UNC80: variants seen among roughly 807,000 people sequenced by gnomAD.
UNC80 encodes unc-80 subunit of NALCN channel complex, also known as protein unc-80 homolog.
Under a neutral mutation model 384.6 loss-of-function variants are expected in UNC80, and 164 were observed. The ratio of observed to expected loss-of-function variants is 0.43; its 90% CI spans 0.38 to 0.49. UNC80 has a LOEUF of 0.49. UNC80 is among the 20% of genes least tolerant of loss of function. The probability of loss-of-function intolerance (pLI) is 0.00; values close to 1 mark genes in which losing one functional copy is unlikely to be tolerated. For synonymous variants in UNC80, 1,486 were observed against 1,527.8 expected (o/e 0.97, Z 0.64); for missense variants, 3,330 against 4,143.0 (o/e 0.80, Z 5.39).
At chr2:209,932,475 A>C (rs182336240) in intron 38 of UNC80, among the ~76,000 whole-genome samples, 11 of 152,218 alleles carry the variant, frequency 7.2e-5, no homozygotes, top group Admixed American at 2.0e-4. Flanking sequence ...TGGAGATGAG[A>C]GCGCCTTCAG....
At chr2:209,871,628 A>C (rs1289488706) in intron 22 of UNC80, among the ~76,000 whole-genome samples, 1 of 152,134 alleles carries the variant, frequency 6.6e-6, no homozygotes, top group African/African-American at 2.4e-5. Context: ...TTTTTAAAAA[A>C]CTGACACAAG....
intron 44 of UNC80, among the ~76,000 whole-genome samples, chr2:209,942,066 G>A (rs973481311): frequency 2.6e-5 from 4 of 152,110 alleles, no homozygotes; most frequent in Non-Finnish European, 4.4e-5. Flanking sequence ...CTCTACCTCC[G>A]GGCCAGGGAC....
chr2:209,944,942 A>G, intron 45 of UNC80, 109 bp from the exon 46 acceptor site: 1 of 1,222,786 alleles, frequency 8.2e-7, no homozygotes, highest in South Asian at 1.6e-5. Flanking sequence ...AATTCCAGGT[A>G]GATGTTGTAC....
At chr2:209,885,565 AT>A (rs965433078) in intron 25 of UNC80, among the ~76,000 whole-genome samples, 20 of 151,368 alleles carry the variant, frequency 1.3e-4, no homozygotes, top group East Asian at 5.8e-4. Context: ...AGATTAGGTT[AT>A]TTTTTTTTCT....
At chr2:209,888,286 T>C (rs1171453391) in intron 26 of UNC80, 26 bp downstream of exon 26, 11 of 1,549,620 alleles carry the variant, frequency 7.1e-6, no homozygotes, top group African/African-American at 1.4e-5. Context: ...GGTTCCTTCA[T>C]GTTTCAGGGT....
rs973820728 is a variant in UNC80, at chr2:209,976,756, C to A, written c.8773-157C>A. Among the ~76,000 whole-genome samples, 2 of 152,154 alleles carry A rather than the reference C, an allele frequency of 1.3e-5. No homozygotes were observed. Among genetic ancestry groups the A allele is most frequent in the Non-Finnish European group, 2.9e-5 (2 of 68,042 alleles). On this transcript the variant is annotated intron_variant, in intron 57 of 64. Coordinates refer to ENST00000673920, the MANE Select transcript of UNC80 (RefSeq NM_001371986.1). This position sits in a 1 kb window ranked among gnomAD's most constrained non-coding sequence, Gnocchi z 4.3. ...AGTTTCTTAGGGCAGTGATTTAAAA[C>A]GATGTAATTATTAAGCACTTCCTGT...
chr2:209,814,894 T>C (rs1241934754), intron 8 of UNC80, among the ~76,000 whole-genome samples: 1 of 152,168 alleles, frequency 6.6e-6, no homozygotes, highest in East Asian at 1.9e-4. Flanking sequence ...TAATCTGTTT[T>C]AGTAGTAGAT....
chr2:209,941,640 A>T (rs1278797618), intron 44 of UNC80, among the ~76,000 whole-genome samples, 151 bp downstream of exon 44: 2 of 152,100 alleles, frequency 1.3e-5, no homozygotes, highest in African/African-American at 4.8e-5. Context: ...CCCCCCATAA[A>T]TTTGCAAGAG....
intron 47 of UNC80, 24 bp from the exon 48 acceptor site, chr2:209,954,076 C>T (rs571047778): frequency 1.4e-5 from 22 of 1,537,062 alleles, no homozygotes; most frequent in Admixed American, 6.2e-5. Flanking sequence ...AAAGGTGACT[C>T]GGTTTTCTTT....
Position 209,995,523 on chromosome 2 carries a change from A to T in UNC80, c.9903A>T (p.Leu3301=). 1 of 1,551,938 alleles carries T rather than the reference A, an allele frequency of 6.4e-7. No homozygotes were observed. Among genetic ancestry groups the T allele is most frequent in the Non-Finnish European group, 8.7e-7 (1 of 1,147,046 alleles). The change falls in exon 65 of 65, where the codon CTA becomes CTT. Residue 3301 remains leucine (L), a synonymous_variant. Transcript: ENST00000673920. ...SEENGMENPL[L]SSQFTFTPTE... ...AAAATGGCATGGAGAACCCGCTACT[A>T]TCTAGTCAGTTCACCTTTACTCCCA...
At chr2:209,850,160 C>T (rs537602860) in intron 22 of UNC80, among the ~76,000 whole-genome samples, 1 of 151,990 alleles carries the variant, frequency 6.6e-6, no homozygotes, top group African/African-American at 2.4e-5. Flanking sequence ...ACACTTTGAA[C>T]ATTGTGTGCT....
At chr2:209,914,034 C>A in intron 31 of UNC80, 94 bp downstream of exon 31, 1 of 1,417,394 alleles carries the variant, frequency 7.1e-7, no homozygotes, top group South Asian at 1.5e-5. Context: ...TCTATTTTTG[C>A]TCCTAGGTCA....
chr2:209,932,078 CT>C (rs1386009423), intron 38 of UNC80, among the ~76,000 whole-genome samples: 1 of 152,128 alleles, frequency 6.6e-6, no homozygotes. Context: ...TGGCTGGTTG[CT>C]GGATATCTGG....
At chr2:209,956,316 C>CCACATTCCTAGTTTCTTTATCTTATG (rs1559392194) in intron 48 of UNC80, among the ~76,000 whole-genome samples, 3 of 42 alleles carry the variant, frequency 0.071, no homozygotes, top group Non-Finnish European at 0.14. Context: ...ATTCTCTGCT[C>CCACATTCCTAGTTTCTTTATCTTATG]AGGGTTTCTC....
rs1447989064 is a variant in UNC80 at position 209,938,708 on chromosome 2, CTCTGTG to C, written c.6466-762_6466-757del. The stretch of plus-strand genomic sequence containing the variant: ...TCTCTCTCTCTCTCTCTCTCTCTCT[CTCTGTG>C]TGTGTGTGTGTGTGTGTGTGTGTCT... On this transcript the variant is annotated intron_variant, in intron 42 of 64. Transcript: ENST00000673920. 4.1e-4 allele frequency among the ~76,000 whole-genome samples: 57 copies of C among 138,316 alleles called. 1 individual carries two copies. The highest frequency in any genetic ancestry group is 3.6e-3 in the Middle Eastern group (1 of 276). 90.7% of individuals were successfully genotyped at this position (138,316 alleles called of 152,430 possible). A position where few individuals can be genotyped will look rare whatever the true frequency, so the allele number is the denominator to read the frequency against.
rs1478279561 is a variant in UNC80, at chr2:209,817,679, C to CT, written c.1553-126dup. The CT allele has an allele frequency of 9.6e-6, 11 of 1,143,376 alleles. No individual in the cohort carries two copies. In the Admixed American group the frequency reaches 1.9e-4, roughly 19 times the overall value. 70.8% of individuals were successfully genotyped at this position (1,143,376 alleles called of 1,614,324 possible). A position where few individuals can be genotyped will look rare whatever the true frequency, so the allele number is the denominator to read the frequency against. ...ATCCCCATGGCAAGTTCAGTTCTTG[C>CT]TTTTTTTGTCTGTGTTTCACACTTT... is the stretch of plus-strand genomic sequence containing the variant. On this transcript the variant is annotated intron_variant, in intron 10 of 64. Coordinates refer to ENST00000673920, the MANE Select transcript of UNC80 (RefSeq NM_001371986.1).
In UNC80 at chr2:209,829,399, A is replaced by C; in HGVS notation, c.2626+20A>C. On this transcript the variant is annotated intron_variant, in intron 15 of 64. Transcript: ENST00000673920. ...CTGACAGTAAGTAAAGCTGCACCCA[A>C]GTTCTAGGAGAAGTCGTTGTGAGGT... The C allele has an allele frequency of 1.9e-6, 3 of 1,550,630 alleles. No individual in the cohort carries two copies. The highest frequency in any genetic ancestry group is 2.6e-6 in the Non-Finnish European group (3 of 1,146,310).
At position 209,982,337 on chromosome 2, in the gene UNC80, C is replaced by G; in HGVS notation, c.9257+20C>G. ...CCAGAGGTAAACAGCTATGGTTATACTGTACTCTGCATTTGGGGGCAAAGT... is the reference window on the plus strand; with the variant it reads ...CCAGAGGTAAACAGCTATGGTTATAGTGTACTCTGCATTTGGGGGCAAAGT... On this transcript the variant is annotated intron_variant, in intron 60 of 64. Transcript: ENST00000673920. 1 of 1,523,358 alleles carries G rather than the reference C, an allele frequency of 6.6e-7. No homozygotes were observed. Among genetic ancestry groups the G allele is most frequent in the Non-Finnish European group, 8.8e-7 (1 of 1,132,232 alleles). The allele number at this position is 1,523,358 out of a possible 1,614,324, so 94.4% of individuals were successfully genotyped here. A position where few individuals can be genotyped will look rare whatever the true frequency, so the allele number is the denominator to read the frequency against.
At chr2:209,903,421 T>C (rs1463915833) in intron 28 of UNC80, among the ~76,000 whole-genome samples, 6 of 116,006 alleles carry the variant, frequency 5.2e-5, no homozygotes, top group African/African-American at 2.0e-4. Flanking sequence ...ATACACATTA[T>C]ATATATTTAT....
Sources: allele counts gnomAD v4.1 joint callset (sites outside exome capture counted in the v4.1 genomes callset), GRCh38; gene constraint gnomAD v4.1.1; non-coding constraint Gnocchi (gnomAD v3.1); transcripts MANE v1.5; gene names NCBI Gene and HGNC (gene_info 2026-07-23, HGNC 2026-07-21).